DOCK3: variants seen among roughly 807,000 people sequenced by gnomAD.
DOCK3 encodes dedicator of cytokinesis protein 3.
In DOCK3, 60 loss-of-function variants were observed where a neutral mutation model predicts 265.6. That is an observed-to-expected ratio of 0.23 (90% CI 0.18 to 0.28). DOCK3 has a LOEUF of 0.28. DOCK3 is among the 10% of genes least tolerant of loss of function. DOCK3 has a pLI of 1.00. For synonymous variants in DOCK3, 881 were observed against 938.0 expected, an observed-to-expected ratio of 0.94 and a Z score of 1.11; for missense variants, 1,981 against 2,594.3, an observed-to-expected ratio of 0.76 and a Z score of 5.14.
At chr3:50,856,924 A>G (rs994856660) in intron 3 of DOCK3, among the ~76,000 whole-genome samples, 1 of 152,168 alleles carries the variant, frequency 6.6e-6, no homozygotes, top group Non-Finnish European at 1.5e-5. Flanking sequence ...CTTTTTCTGC[A>G]TCTATTTGAG....
At chr3:50,830,157 G>T (rs2045511) in intron 2 of DOCK3, among the ~76,000 whole-genome samples, 14,360 of 152,166 alleles carry the variant, frequency 0.094, 836 homozygotes, top group Non-Finnish European at 0.12. Flanking sequence ...CTGGAAAAGG[G>T]ATCCATAATT....
chr3:51,246,835 G>A, intron 22 of DOCK3, 28 bp downstream of exon 22: 1 of 1,601,530 alleles, frequency 6.2e-7, no homozygotes, highest in Non-Finnish European at 8.5e-7. Context: ...CCATACATAA[G>A]AGACCCACTC....
intron 5 of DOCK3, among the ~76,000 whole-genome samples, chr3:50,965,698 T>G (rs747131898): frequency 9.9e-5 from 15 of 152,152 alleles, no homozygotes; most frequent in Non-Finnish European, 1.5e-4. Context: ...TGGCTTCCCT[T>G]TAGAATTTTA....
chr3:51,247,149 A>G (rs1439339256), intron 22 of DOCK3, among the ~76,000 whole-genome samples: 4 of 152,212 alleles, frequency 2.6e-5, no homozygotes, highest in African/African-American at 9.6e-5. Context: ...TGATTGAATT[A>G]GGATCCTCTA....
At chr3:51,100,183 C>A (rs148204624) in intron 9 of DOCK3, among the ~76,000 whole-genome samples, 3 of 152,284 alleles carry the variant, frequency 2.0e-5, no homozygotes, top group Non-Finnish European at 2.9e-5. Context: ...GTCTGGCCCT[C>A]CTACAGTTAA....
intron 5 of DOCK3, among the ~76,000 whole-genome samples, chr3:51,012,951 C>T (rs1458408058): frequency 6.6e-6 from 1 of 152,040 alleles, no homozygotes; most frequent in Non-Finnish European, 1.5e-5. Flanking sequence ...GCTACTGAAG[C>T]TTGTGTGTGT....
intron 5 of DOCK3, among the ~76,000 whole-genome samples, chr3:50,947,747 A>G: frequency 6.6e-6 from 1 of 152,130 alleles, no homozygotes; most frequent in East Asian, 1.9e-4. Context: ...TAGAGGAGAT[A>G]TGTCATGCTT....
At chr3:50,822,627 G>A (rs2044510532) in intron 2 of DOCK3, among the ~76,000 whole-genome samples, 1 of 152,020 alleles carries the variant, frequency 6.6e-6, no homozygotes, top group Non-Finnish European at 1.5e-5. Flanking sequence ...CTCCTGAATA[G>A]CTAGGACTAC....
At chr3:50,724,318 A>G (rs1487952430) in intron 1 of DOCK3, among the ~76,000 whole-genome samples, 1 of 151,978 alleles carries the variant, frequency 6.6e-6, no homozygotes, top group African/African-American at 2.4e-5. Context: ...TAGAAATACC[A>G]TTTGACCCAG....
chr3:51,379,005 T>C (rs1194080106), intron 51 of DOCK3, among the ~76,000 whole-genome samples: 3 of 152,198 alleles, frequency 2.0e-5, no homozygotes, highest in Admixed American at 2.0e-4. Context: ...AACAGGTACC[T>C]GTCCTTGCTC....
chr3:51,017,146 G>T (rs1352034570), intron 5 of DOCK3, among the ~76,000 whole-genome samples: 4 of 149,284 alleles, frequency 2.7e-5, no homozygotes, highest in Non-Finnish European at 5.9e-5. Context: ...TTTTTTCTAG[G>T]TTTTTCAATT....
intron 6 of DOCK3, among the ~76,000 whole-genome samples, chr3:51,070,250 TG>T (rs1234215217): frequency 6.6e-6 from 1 of 152,246 alleles, no homozygotes; most frequent in Non-Finnish European, 1.5e-5. Flanking sequence ...TCTGGTTTGA[TG>T]TTTGACACAG....
At chr3:51,186,656 G>A (rs943394481) in intron 12 of DOCK3, among the ~76,000 whole-genome samples, 1 of 152,138 alleles carries the variant, frequency 6.6e-6, no homozygotes. Context: ...CCAGGTCCAG[G>A]GTTCCCCACA....
At chr3:51,136,776 T>C (rs1576202101) in intron 9 of DOCK3, among the ~76,000 whole-genome samples, 1 of 152,192 alleles carries the variant, frequency 6.6e-6, no homozygotes, top group Non-Finnish European at 1.5e-5. Context: ...AAAATGTTAC[T>C]TGGAGTCCTG....
At chr3:51,338,528 G>T (rs1204014809) in intron 36 of DOCK3, 109 bp downstream of exon 36, 18 of 1,231,796 alleles carry the variant, frequency 1.5e-5, no homozygotes, top group Non-Finnish European at 2.0e-5. Flanking sequence ...CTAAGGGTTT[G>T]AATCAGGACA....
chr3:51,064,493 G>T lies in DOCK3; in HGVS notation c.361G>T (p.Glu121Ter). 6.2e-7 allele frequency: 1 copy of T among 1,613,956 alleles called. No individual in the cohort carries two copies. Among genetic ancestry groups the T allele is most frequent in the Non-Finnish European group, 8.5e-7 (1 of 1,179,866 alleles). Residue 121 changes from glutamate (E) to a stop codon, truncating the protein, a stop_gained, in exon 6 of 53, where the codon GAA (glutamate) becomes TAA (stop). Transcript: ENST00000266037. LOFTEE classifies it high-confidence loss of function. ...LFYKLRHVMNELIDLRRQLLS... is the reference protein window; with the variant it reads ...LFYKLRHVMN ...CTACAAACTACGCCATGTGATGAAT[G>T]AACTTATTGACCTGCGAAGGCAGCT... is the stretch of plus-strand genomic sequence containing the variant.
chr3:51,297,706 A>G (rs2082165149), intron 27 of DOCK3, among the ~76,000 whole-genome samples: 1 of 152,154 alleles, frequency 6.6e-6, no homozygotes. Context: ...TGGGAGGTCA[A>G]GTCAGGAGGC....
At chr3:51,263,162 G>A (rs1487644812) in intron 23 of DOCK3, among the ~76,000 whole-genome samples, 2 of 152,184 alleles carry the variant, frequency 1.3e-5, no homozygotes, top group African/African-American at 4.8e-5. Context: ...GTTAAAGGCA[G>A]CCAGAGAGAA....
chr3:50,838,229 G>C (rs1242782831), intron 2 of DOCK3, among the ~76,000 whole-genome samples: 1 of 152,132 alleles, frequency 6.6e-6, no homozygotes, highest in Non-Finnish European at 1.5e-5. Flanking sequence ...ATAGGTAGAA[G>C]GGATAGAAGA....
Sources: allele counts gnomAD v4.1 joint callset (sites outside exome capture counted in the v4.1 genomes callset), GRCh38; gene constraint gnomAD v4.1.1; transcripts MANE v1.5; gene names NCBI Gene and HGNC (gene_info 2026-07-23, HGNC 2026-07-21).